The following FAM118B variants were observed in gnomAD, a reference collection of about 807,000 sequenced individuals.
The protein encoded by FAM118B is SIR2 antiphage like 1.
A neutral mutation model predicts 38.5 loss-of-function variants in FAM118B; 24 were observed. The ratio of observed to expected loss-of-function variants is 0.62; its 90% CI spans 0.45 to 0.88. FAM118B has a LOEUF of 0.88. FAM118B is among the 40% of genes least tolerant of loss of function. FAM118B has a pLI of 0.00. For synonymous variants in FAM118B, 138 were observed against 156.3 expected, an observed-to-expected ratio of 0.88 and a Z score of 0.87; for missense variants, 334 against 420.0, an observed-to-expected ratio of 0.80 and a Z score of 1.79.
intron 1 of FAM118B, among the ~76,000 whole-genome samples, chr11:126,220,229 C>T (rs1950045883): frequency 6.6e-6 from 1 of 152,202 alleles, no homozygotes; most frequent in African/African-American, 2.4e-5. Context: ...AAGTCTCCAC[C>T]TGCCTCCCTT....
At chr11:126,251,451 G>A (rs886071812) in intron 5 of FAM118B, among the ~76,000 whole-genome samples, 11 of 152,204 alleles carry the variant, frequency 7.2e-5, no homozygotes, top group African/African-American at 2.2e-4. Flanking sequence ...AGTGGTAGCT[G>A]AAATACCACT....
intron 1 of FAM118B, among the ~76,000 whole-genome samples, chr11:126,212,412 C>G (rs929081897): frequency 6.6e-6 from 1 of 152,188 alleles, no homozygotes; most frequent in African/African-American, 2.4e-5. Context: ...TTTTTCCTCT[C>G]CATAGTTTGC....
chr11:126,215,825 ATAGCAAGACCTC>A (rs1404355821), intron 1 of FAM118B, among the ~76,000 whole-genome samples: 1 of 151,812 alleles, frequency 6.6e-6, no homozygotes, highest in Non-Finnish European at 1.5e-5. Context: ...CCTGGGCAAC[ATAGCAAGACCTC>A]GTCTCTACAG....
intron 2 of FAM118B, among the ~76,000 whole-genome samples, chr11:126,232,753 TAAAAA>T (rs1950225434): frequency 6.6e-6 from 1 of 151,244 alleles, no homozygotes; most frequent in Non-Finnish European, 1.5e-5. Context: ...TAAAAAAACT[TAAAAA>T]AATATATATC....
intron 2 of FAM118B, among the ~76,000 whole-genome samples, chr11:126,233,252 G>T (rs960832451): frequency 6.6e-6 from 1 of 152,148 alleles, no homozygotes; most frequent in Admixed American, 6.5e-5. Flanking sequence ...GAGGCGGGCG[G>T]ATCACCTGAG....
intron 2 of FAM118B, chr11:126,233,702 T>C: frequency 2.2e-6 from 1 of 456,256 alleles, no homozygotes. Context: ...AGAATTACAC[T>C]GCGTGTGATG....
chr11:126,254,898 T>C (rs1223473327), intron 6 of FAM118B, among the ~76,000 whole-genome samples: 4 of 152,238 alleles, frequency 2.6e-5, no homozygotes, highest in Admixed American at 6.5e-5. Flanking sequence ...GCATGCTGTC[T>C]AGGAAATGTA....
At chr11:126,240,421 G>T (rs1344656033) in intron 3 of FAM118B, among the ~76,000 whole-genome samples, 1 of 151,920 alleles carries the variant, frequency 6.6e-6, no homozygotes, top group Non-Finnish European at 1.5e-5. Flanking sequence ...CAAATCAAAC[G>T]TCTTCTTTTG....
At chr11:126,260,151 G>A (rs1485775689) in intron 7 of FAM118B, among the ~76,000 whole-genome samples, 1 of 152,064 alleles carries the variant, frequency 6.6e-6, no homozygotes, top group Non-Finnish European at 1.5e-5. Flanking sequence ...TCCCACCTCA[G>A]CCTCCCGAGT....
intron 2 of FAM118B, among the ~76,000 whole-genome samples, chr11:126,229,674 C>A (rs1950184411): frequency 6.6e-6 from 1 of 152,190 alleles, no homozygotes; most frequent in African/African-American, 2.4e-5. Context: ...AACTCCTGAC[C>A]TCACGATCCA....
At chr11:126,215,610 T>G (rs1591497690) in intron 1 of FAM118B, among the ~76,000 whole-genome samples, 1 of 137,298 alleles carries the variant, frequency 7.3e-6, no homozygotes, top group South Asian at 2.3e-4. Context: ...GGCAGGAGAG[T>G]GGCGTGAACC....
chr11:126,223,425 C>T (rs952394820), intron 1 of FAM118B, among the ~76,000 whole-genome samples: 1 of 151,848 alleles, frequency 6.6e-6, no homozygotes, highest in Non-Finnish European at 1.5e-5. Flanking sequence ...GGTGAAACCC[C>T]ATCTCTACTA....
intron 1 of FAM118B, among the ~76,000 whole-genome samples, chr11:126,226,096 TAGAA>T (rs1228495679): frequency 3.3e-5 from 5 of 151,700 alleles, no homozygotes; most frequent in African/African-American, 9.7e-5. Context: ...CACTGTGAGT[TAGAA>T]AGGCCAGAAA....
At chr11:126,248,463 C>T (rs375540163) in intron 4 of FAM118B, among the ~76,000 whole-genome samples, 30 of 148,108 alleles carry the variant, frequency 2.0e-4, no homozygotes, top group African/African-American at 7.0e-4. Context: ...CTCTGCCTCC[C>T]GGATTCAAGC....
Position 126,252,336 on chromosome 11 carries a change from G to C in FAM118B, c.567+1603G>C, listed in dbSNP as rs1950516164. On this transcript the variant is annotated intron_variant, in intron 5 of 8. Transcript: ENST00000533050. The surrounding 1 kb of genome is among the most constrained non-coding windows in gnomAD (Gnocchi z 4.7). ...TGTTTTCTGACTGTTTACCCCATAG[G>C]AATAGTAACTTCACTTGGATAGGTA... 6.6e-6 allele frequency among the ~76,000 whole-genome samples: 1 copy of C among 152,150 alleles called. No individual in the cohort carries two copies. The highest frequency in any genetic ancestry group is 6.5e-5 in the Admixed American group (1 of 15,268).
At chr11:126,227,664 ATGGTTT>A in intron 1 of FAM118B, among the ~76,000 whole-genome samples, 1 of 152,288 alleles carries the variant, frequency 6.6e-6, no homozygotes, top group East Asian at 1.9e-4. Flanking sequence ...TTTGCTATCA[ATGGTTT>A]TGGATTCCAT....
At chr11:126,251,828 A>G (rs894890531) in intron 5 of FAM118B, among the ~76,000 whole-genome samples, 13 of 150,144 alleles carry the variant, frequency 8.7e-5, no homozygotes, top group Non-Finnish European at 1.5e-4. Context: ...GATTACAGGC[A>G]TGTGCCACAA....
chr11:126,220,221 G>A (rs1950045830), intron 1 of FAM118B, among the ~76,000 whole-genome samples: 1 of 152,188 alleles, frequency 6.6e-6, no homozygotes, highest in African/African-American at 2.4e-5. Flanking sequence ...TCTGAATGAA[G>A]TCTCCACCTG....
chr11:126,249,665 G>A (rs745388959), intron 4 of FAM118B, among the ~76,000 whole-genome samples: 3 of 147,188 alleles, frequency 2.0e-5, no homozygotes, highest in Non-Finnish European at 4.5e-5. Flanking sequence ...TGGCGGGGCG[G>A]AGGTTGCAGT....
Sources: gnomAD v4.1 joint callset for allele counts (sites outside exome capture counted in the v4.1 genomes callset) on GRCh38, gnomAD v4.1.1 for gene constraint, Gnocchi (gnomAD v3.1) non-coding constraint, MANE v1.5 for transcripts, NCBI Gene and HGNC (gene_info 2026-07-23, HGNC 2026-07-21) for gene names.